The following IFT88 variants were observed in gnomAD, a reference collection of about 807,000 sequenced individuals.
The protein encoded by IFT88 is intraflagellar transport protein 88 homolog.
In IFT88, 74 loss-of-function variants were observed where a neutral mutation model predicts 119.5. That is an observed-to-expected ratio of 0.62 (90% CI 0.51 to 0.75). IFT88 has a LOEUF of 0.75. Ranked by LOEUF, IFT88 falls within the 30% of genes least tolerant of loss-of-function variation. The pLI, the probability that IFT88 is intolerant of heterozygous loss-of-function variation, is 0.00. For synonymous variants in IFT88, 279 were observed against 316.7 expected (o/e 0.88, Z 1.26); for missense variants, 961 against 977.7 (o/e 0.98, Z 0.23).
At position 20,613,478 on chromosome 13, in the gene IFT88, A is replaced by G. The variant is rs117875367; in HGVS notation, c.1113-2315A>G. Among the ~76,000 whole-genome samples the G allele has an allele frequency of 5.4e-4, 82 of 152,224 alleles. 1 individual carries two copies. Among genetic ancestry groups the G allele is most frequent in the Admixed American group, 2.2e-3 (33 of 15,290 alleles). On this transcript the variant is annotated intron_variant, in intron 13 of 25. Transcript: ENST00000351808. Reference sequence around the variant, plus strand: ...GAGAAATTGGAACTCTTAAATGCTGATGGTAGGAGTATAAAATGGTGCTTT... The same window carrying G: ...GAGAAATTGGAACTCTTAAATGCTGGTGGTAGGAGTATAAAATGGTGCTTT...
chr13:20,652,207 T>C (rs2051850929), intron 20 of IFT88, among the ~76,000 whole-genome samples: 1 of 152,184 alleles, frequency 6.6e-6, no homozygotes, highest in Non-Finnish European at 1.5e-5. Context: ...GAATGGTAAA[T>C]TTTGGCAAAT....
chr13:20,658,152 G>A (rs1000305264), intron 22 of IFT88, among the ~76,000 whole-genome samples: 1 of 151,254 alleles, frequency 6.6e-6, no homozygotes, highest in African/African-American at 2.4e-5. Flanking sequence ...GCTGGAGTGC[G>A]GTGGCGCCAT....
chr13:20,568,565 C>G (rs545176657), intron 1 of IFT88, among the ~76,000 whole-genome samples: 73 of 152,276 alleles, frequency 4.8e-4, no homozygotes, highest in African/African-American at 1.6e-3. Context: ...GGTTCATAAT[C>G]AGAAATTATG....
intron 16 of IFT88, among the ~76,000 whole-genome samples, chr13:20,637,927 G>T (rs2049272748): frequency 1.3e-5 from 2 of 152,198 alleles, no homozygotes; most frequent in South Asian, 4.1e-4. Flanking sequence ...AAAAACAATG[G>T]ATTGCTAGAA....
intron 15 of IFT88, among the ~76,000 whole-genome samples, chr13:20,629,469 A>T (rs1016162834): frequency 6.6e-6 from 1 of 152,212 alleles, no homozygotes; most frequent in Non-Finnish European, 1.5e-5. Flanking sequence ...TTTACTTTGT[A>T]AACTACTGAC....
At chr13:20,589,062 G>A (rs1288058565) in intron 3 of IFT88, among the ~76,000 whole-genome samples, 1 of 152,026 alleles carries the variant, frequency 6.6e-6, no homozygotes, top group Admixed American at 6.6e-5. Flanking sequence ...CCTAAATGTG[G>A]GCTCACCTCT....
chr13:20,672,690 T>G (rs773489516), intron 24 of IFT88, among the ~76,000 whole-genome samples: 1 of 152,228 alleles, frequency 6.6e-6, no homozygotes, highest in East Asian at 1.9e-4. Flanking sequence ...GTATTAGCCA[T>G]GTATCACATA....
At chr13:20,582,825 A>C (rs902143645) in intron 2 of IFT88, 132 bp from the exon 3 acceptor site, 19 of 614,900 alleles carry the variant, frequency 3.1e-5, no homozygotes, top group Non-Finnish European at 4.9e-5. Context: ...GATTTGAGGT[A>C]GGAGTCCTAG....
Position 20,622,845 on chromosome 13 carries a change from C to A in IFT88, c.1200-2905C>A, listed in dbSNP as rs1055351519. ...TAAATTTTCATGAGGTCCACTTTGTCTATTTTTTCTTTTGTTTCCTGTGAC... is the reference window on the plus strand; with the variant it reads ...TAAATTTTCATGAGGTCCACTTTGTATATTTTTTCTTTTGTTTCCTGTGAC... On this transcript the variant is annotated intron_variant, in intron 14 of 25. Coordinates refer to ENST00000351808, the MANE Select transcript of IFT88 (RefSeq NM_006531.5). Among the ~76,000 whole-genome samples, 6 of 152,234 alleles carry A rather than the reference C, an allele frequency of 3.9e-5. 1 individual carries two copies. The highest frequency in any genetic ancestry group is 2.0e-4 in the Admixed American group (3 of 15,286).
Position 20,592,422 on chromosome 13 carries a change from T to C in IFT88, c.398+18T>C. 1 of 1,513,792 alleles carries C rather than the reference T, an allele frequency of 6.6e-7. No individual in the cohort carries two copies. Among genetic ancestry groups the C allele is most frequent in the Non-Finnish European group, 9.0e-7 (1 of 1,114,948 alleles). The allele number at this position is 1,513,792 out of a possible 1,614,324, so 93.8% of individuals were successfully genotyped here. On this transcript the variant is annotated intron_variant, in intron 7 of 25. Transcript: ENST00000351808. ...AAAGATAGGTATGTAAGTCCTTATG[T>C]TGTTGTTTGTTGTTGTTGCTGCATA...
At chr13:20,654,601 G>T (rs2052414982) in intron 21 of IFT88, among the ~76,000 whole-genome samples, 1 of 152,210 alleles carries the variant, frequency 6.6e-6, no homozygotes, top group Non-Finnish European at 1.5e-5. Context: ...GGAAGCACAA[G>T]TTTTGAAAGT....
chr13:20,677,944 T>C (rs112423768), intron 24 of IFT88, among the ~76,000 whole-genome samples: 1 of 152,120 alleles, frequency 6.6e-6, no homozygotes, highest in African/African-American at 2.4e-5. Context: ...TTTCAAAAAA[T>C]AAGAAACTAA....
intron 20 of IFT88, among the ~76,000 whole-genome samples, chr13:20,645,545 A>T (rs184154599): frequency 2.0e-5 from 3 of 151,968 alleles, no homozygotes; most frequent in Admixed American, 6.6e-5. Context: ...TTGTTCCTTT[A>T]TCAATCAGAA....
rs111473819 is a variant in IFT88 at position 20,597,560 on chromosome 13, T to C, written c.594+441T>C. ...GAAATCGAGACCATCCTGGCTAACA[T>C]GGTGAAACCCCATCTCTACTAAAAA... On this transcript the variant is annotated intron_variant, in intron 9 of 25. Coordinates refer to ENST00000351808, the MANE Select transcript of IFT88 (RefSeq NM_006531.5). Among the ~76,000 whole-genome samples the C allele has an allele frequency of 4.2e-3, 644 of 152,070 alleles. 4 individuals carry two copies. The highest frequency in any genetic ancestry group is 0.016 in the East Asian group (84 of 5,148).
At chr13:20,639,786 C>CTTTT (rs34190452) in intron 17 of IFT88, among the ~76,000 whole-genome samples, 23 of 109,454 alleles carry the variant, frequency 2.1e-4, no homozygotes, top group East Asian at 5.8e-4. Flanking sequence ...TAAAATTTGT[C>CTTTT]TTTTTTTTTT....
chr13:20,690,251 G>A (rs901171660), intron 24 of IFT88, among the ~76,000 whole-genome samples: 11 of 152,138 alleles, frequency 7.2e-5, no homozygotes, highest in Non-Finnish European at 1.5e-4. Flanking sequence ...GGGGCTAGAG[G>A]AGTACTTTTA....
At chr13:20,570,727 A>T (rs1022252041) in intron 1 of IFT88, among the ~76,000 whole-genome samples, 1 of 152,160 alleles carries the variant, frequency 6.6e-6, no homozygotes, top group African/African-American at 2.4e-5. Flanking sequence ...AGAGCTGCTA[A>T]CAGGCCCCAT....
chr13:20,648,111 T>C (rs1222949569), intron 20 of IFT88, among the ~76,000 whole-genome samples: 1 of 152,162 alleles, frequency 6.6e-6, no homozygotes, highest in Non-Finnish European at 1.5e-5. Flanking sequence ...GGATTCTGTA[T>C]CCTGGCCAAG....
chr13:20,609,618 C>G (rs1484896163), intron 13 of IFT88, among the ~76,000 whole-genome samples: 1 of 152,080 alleles, frequency 6.6e-6, no homozygotes, highest in Non-Finnish European at 1.5e-5. Context: ...GTGGCACATG[C>G]CTGTAGTCCT....
Sources: allele counts gnomAD v4.1 joint callset (sites outside exome capture counted in the v4.1 genomes callset), GRCh38; gene constraint gnomAD v4.1.1; transcripts MANE v1.5; gene names NCBI Gene and HGNC (gene_info 2026-07-23, HGNC 2026-07-21).